The following GPRIN3 variants were observed in gnomAD, a reference collection of about 807,000 sequenced individuals.
GPRIN3 encodes G protein-regulated inducer of neurite outgrowth 3.
Under a neutral mutation model 13.7 loss-of-function variants are expected in GPRIN3, and 12 were observed. The ratio of observed to expected loss-of-function variants is 0.87; its 90% CI spans 0.56 to 1.42. GPRIN3 has a LOEUF of 1.42. Ranked by LOEUF, GPRIN3 falls within the 40% of genes most tolerant of loss-of-function variation. The pLI is 0.00. For synonymous variants in GPRIN3, 377 were observed against 372.7 expected (o/e 1.01, Z -0.13); for missense variants, 1,009 against 958.7 (o/e 1.05, Z -0.69).
rs754094414 is a variant in GPRIN3, at chr4:89,245,868, CA to C, written c.*1911del. Reference sequence around the variant, plus strand: ...CTTGGTAATTTGATGGAAATTTCAACATTACATAGTATTCTTAATAGACACC... The same window carrying C: ...CTTGGTAATTTGATGGAAATTTCAACTTACATAGTATTCTTAATAGACACC... On this transcript the variant is annotated 3_prime_UTR_variant, in exon 2 of 2. Transcript: ENST00000609438. 6.6e-5 allele frequency: 10 copies of C among 152,264 alleles called. No individual in the cohort carries two copies. The highest frequency in any genetic ancestry group is 2.0e-4 in the Admixed American group (3 of 15,308). 9.4% of individuals were successfully genotyped at this position (152,264 alleles called of 1,614,324 possible).
chr4:89,267,654 T>C (rs772015464), intron 1 of GPRIN3, among the ~76,000 whole-genome samples: 27 of 152,362 alleles, frequency 1.8e-4, no homozygotes, highest in South Asian at 1.0e-3. Flanking sequence ...GCTTCTGGTG[T>C]AAGCCATATA....
chr4:89,267,701 T>C (rs1723818858), intron 1 of GPRIN3, among the ~76,000 whole-genome samples: 1 of 152,258 alleles, frequency 6.6e-6, no homozygotes, highest in Non-Finnish European at 1.5e-5. Flanking sequence ...ATTTAGGATC[T>C]ATTATCTCTT....
At chr4:89,276,707 C>T (rs1421938253) in intron 1 of GPRIN3, among the ~76,000 whole-genome samples, 2 of 152,172 alleles carry the variant, frequency 1.3e-5, no homozygotes, top group Non-Finnish European at 2.9e-5. Flanking sequence ...TAGCACAGTA[C>T]AGTGTTTCCC....
At chr4:89,264,756 A>G (rs1282050712) in intron 1 of GPRIN3, among the ~76,000 whole-genome samples, 1 of 152,182 alleles carries the variant, frequency 6.6e-6, no homozygotes, top group African/African-American at 2.4e-5. Context: ...TTAAACTGCA[A>G]GTCCATTGAC....
chr4:89,240,372 G>C lies in GPRIN3; in HGVS notation c.*7408C>G, dbSNP rs1200295382. On this transcript the variant is annotated 3_prime_UTR_variant, in exon 2 of 2. Transcript: ENST00000609438. Reference sequence around the variant, plus strand: ...GCAATTTTTTTTCATTTAAATCTTTGACTTCTCTTCGGTGTTGGTAGGCAT... The same window carrying C: ...GCAATTTTTTTTCATTTAAATCTTTCACTTCTCTTCGGTGTTGGTAGGCAT... 1 of 151,838 alleles carries C rather than the reference G, an allele frequency of 6.6e-6. No homozygotes were observed. 9.4% of individuals were successfully genotyped at this position (151,838 alleles called of 1,614,324 possible).
chr4:89,254,128 G>GGTGTGT (rs57642647), intron 1 of GPRIN3, among the ~76,000 whole-genome samples: 215 of 147,750 alleles, frequency 1.5e-3, no homozygotes, highest in African/African-American at 5.0e-3. Context: ...GTTGCATCTG[G>GGTGTGT]GTGTGTGTGT....
chr4:89,273,924 A>G (rs1259370364), intron 1 of GPRIN3, among the ~76,000 whole-genome samples: 1 of 152,256 alleles, frequency 6.6e-6, no homozygotes, highest in Non-Finnish European at 1.5e-5. Context: ...TTAATTAAGC[A>G]ATAGTGTACT....
At chr4:89,285,218 G>T (rs1325240576) in intron 1 of GPRIN3, among the ~76,000 whole-genome samples, 2 of 151,530 alleles carry the variant, frequency 1.3e-5, no homozygotes, top group East Asian at 3.9e-4. Context: ...GGGTCAGGGG[G>T]CGGGGGAGGG....
intron 1 of GPRIN3, among the ~76,000 whole-genome samples, chr4:89,291,273 C>T (rs527886112): frequency 6.6e-6 from 1 of 152,128 alleles, no homozygotes; most frequent in East Asian, 1.9e-4. Context: ...TGTGTAACCA[C>T]CACCACAATC....
Position 89,244,309 on chromosome 4 carries a change from T to G in GPRIN3, c.*3471A>C, listed in dbSNP as rs1182544738. ...AGTTCAATTTATTTCAATTTTTATG[T>G]TTAACTTTATAACATGGTGAACACT... is the stretch of plus-strand genomic sequence containing the variant. On this transcript the variant is annotated 3_prime_UTR_variant, in exon 2 of 2. Coordinates refer to ENST00000609438, the MANE Select transcript of GPRIN3 (RefSeq NM_198281.3). 31 of 152,192 alleles carry G rather than the reference T, an allele frequency of 2.0e-4. 1 individual carries two copies. The highest frequency in any genetic ancestry group is 2.0e-3 in the Admixed American group (30 of 15,278). The allele number at this position is 152,192 out of a possible 1,614,324, so 9.4% of individuals were successfully genotyped here. A position where few individuals can be genotyped will look rare whatever the true frequency, so the allele number is the denominator to read the frequency against.
chr4:89,255,386 C>T (rs1198179390), intron 1 of GPRIN3, among the ~76,000 whole-genome samples: 1 of 152,124 alleles, frequency 6.6e-6, no homozygotes, highest in Non-Finnish European at 1.5e-5. Flanking sequence ...CTTTTAGAAA[C>T]CTTGGTATTT....
At chr4:89,252,320 CA>C (rs1723351551) in intron 1 of GPRIN3, among the ~76,000 whole-genome samples, 1 of 152,214 alleles carries the variant, frequency 6.6e-6, no homozygotes, top group East Asian at 1.9e-4. Flanking sequence ...GTCATGTGGA[CA>C]AAGCAATGGA....
intron 1 of GPRIN3, among the ~76,000 whole-genome samples, chr4:89,261,321 A>G (rs548967502): frequency 6.6e-6 from 1 of 152,202 alleles, no homozygotes; most frequent in Non-Finnish European, 1.5e-5. Flanking sequence ...ACAATAAAAA[A>G]TGTCTCCAGA....
At chr4:89,271,531 T>C (rs1019259356) in intron 1 of GPRIN3, among the ~76,000 whole-genome samples, 2 of 152,220 alleles carry the variant, frequency 1.3e-5, no homozygotes, top group African/African-American at 4.8e-5. Context: ...AAATACAATG[T>C]AAATGCTATG....
chr4:89,270,627 A>G lies in GPRIN3; in HGVS notation c.-123-20394T>C, dbSNP rs569167089. ...AAATATAGATATATATGCAGCCTCA[A>G]CCTTCTGGCTCAAGCGATCCTCCCA... On this transcript the variant is annotated intron_variant, in intron 1 of 1. Transcript: ENST00000609438. Among the ~76,000 whole-genome samples the G allele has an allele frequency of 6.7e-4, 89 of 132,290 alleles. 2 individuals carry two copies. Among genetic ancestry groups the G allele is most frequent in the African/African-American group, 2.5e-3 (88 of 35,450 alleles). The allele number at this position is 132,290 out of a possible 152,430, so 86.8% of individuals were successfully genotyped here. A position where few individuals can be genotyped will look rare whatever the true frequency, so the allele number is the denominator to read the frequency against.
intron 1 of GPRIN3, among the ~76,000 whole-genome samples, chr4:89,271,789 G>T (rs56862175): frequency 6.6e-6 from 1 of 151,956 alleles, no homozygotes; most frequent in Non-Finnish European, 1.5e-5. Flanking sequence ...TGCAATACAC[G>T]TCTTGAAGCC....
chr4:89,272,760 A>G (rs1477848399), intron 1 of GPRIN3, among the ~76,000 whole-genome samples: 1 of 152,182 alleles, frequency 6.6e-6, no homozygotes, highest in Non-Finnish European at 1.5e-5. Context: ...CTACCTACCT[A>G]TTTTACCAAA....
At chr4:89,276,702 C>T (rs181210155) in intron 1 of GPRIN3, among the ~76,000 whole-genome samples, 47 of 152,330 alleles carry the variant, frequency 3.1e-4, no homozygotes, top group Admixed American at 1.0e-3. Context: ...CCTATTAGCA[C>T]AGTACAGTGT....
chr4:89,249,232 T>C lies in GPRIN3; in HGVS notation c.879A>G (p.Ser293=), dbSNP rs1458085841. The part of the protein sequence containing the change: ...KVPLPAQRQM[S]RFKEASTMTN... ...TCATCGTACTGGCTTCTTTGAACCT[T>C]GACATCTGACGCTGTGCTGGCAGCG... Residue 293 remains serine, a synonymous_variant, in exon 2 of 2, where the codon TCA becomes TCG. Coordinates refer to ENST00000609438, the MANE Select transcript of GPRIN3 (RefSeq NM_198281.3). The C allele has an allele frequency of 1.9e-6, 3 of 1,614,102 alleles. No individual in the cohort carries two copies. The East Asian group carries it at 6.7e-5, about 36-fold the overall frequency.
Sources: gnomAD v4.1 joint callset for allele counts (sites outside exome capture counted in the v4.1 genomes callset) on GRCh38, gnomAD v4.1.1 for gene constraint, MANE v1.5 for transcripts, NCBI Gene and HGNC (gene_info 2026-07-23, HGNC 2026-07-21) for gene names.